The following SLC13A3 variants were observed in gnomAD, a reference collection of about 807,000 sequenced individuals.
SLC13A3 encodes the protein Na(+)/dicarboxylate cotransporter 3.
SLC13A3 carries 40 observed loss-of-function variants against 59.0 expected under a neutral mutation model. That is an observed-to-expected ratio of 0.68 (90% CI 0.53 to 0.88). The LOEUF is 0.88. Among genes scored for constraint, SLC13A3 ranks in the 40% least tolerant of loss-of-function variants. The probability of loss-of-function intolerance (pLI) is 0.00; values close to 1 mark genes in which losing one functional copy is unlikely to be tolerated. For missense variants in SLC13A3, 699 were observed against 783.2 expected (o/e 0.89, Z 1.28); for synonymous variants, 317 against 330.3 (o/e 0.96, Z 0.44).
chr20:46,595,683 C>T lies in SLC13A3; in HGVS notation c.794+474G>A, dbSNP rs538524950. ...CCCTTCGCCCCAGGCTCTTCGTCTC[C>T]CTGGTTTTCTTGCTGGTCCCTGAAC... On this transcript the variant is annotated intron_variant, in intron 5 of 12. Transcript: ENST00000279027. Among the ~76,000 whole-genome samples the T allele has an allele frequency of 2.6e-5, 4 of 152,268 alleles. No individual in the cohort carries two copies. In the East Asian group the frequency reaches 7.7e-4, roughly 29 times the overall value.
At chr20:46,573,986 C>T (rs768524697) in intron 10 of SLC13A3, among the ~76,000 whole-genome samples, 8 of 152,208 alleles carry the variant, frequency 5.3e-5, no homozygotes, top group East Asian at 3.8e-4. Context: ...GTTTACAAGG[C>T]GTTCAGGGGT....
At chr20:46,627,258 T>C (rs546697841) in intron 1 of SLC13A3, among the ~76,000 whole-genome samples, 13 of 152,344 alleles carry the variant, frequency 8.5e-5, no homozygotes, top group Middle Eastern at 3.4e-3. Flanking sequence ...TAATATGGGC[T>C]GGTGTAAGAA....
At chr20:46,639,441 AGAGT>A (rs1206418192) in intron 1 of SLC13A3, among the ~76,000 whole-genome samples, 1 of 152,208 alleles carries the variant, frequency 6.6e-6, no homozygotes, top group Non-Finnish European at 1.5e-5. Context: ...CCTGGGCAAC[AGAGT>A]GAGACTCTGT....
At chr20:46,603,203 C>T (rs908893546) in intron 3 of SLC13A3, among the ~76,000 whole-genome samples, 1 of 151,706 alleles carries the variant, frequency 6.6e-6, no homozygotes, top group Non-Finnish European at 1.5e-5. Flanking sequence ...AAAGAGTTAA[C>T]TTATTAAAAG....
At chr20:46,624,196 G>C (rs992481539) in intron 1 of SLC13A3, among the ~76,000 whole-genome samples, 8 of 152,018 alleles carry the variant, frequency 5.3e-5, no homozygotes, top group Non-Finnish European at 1.2e-4. Flanking sequence ...TCTAGTTCTG[G>C]CTCCTTTCTC....
At chr20:46,601,983 A>C (rs540516104) in intron 3 of SLC13A3, among the ~76,000 whole-genome samples, 1 of 152,274 alleles carries the variant, frequency 6.6e-6, no homozygotes, top group South Asian at 2.1e-4. Context: ...GTCAGGTAGG[A>C]ACTAGAGTAG....
chr20:46,670,978 G>A (rs190801806), upstream of SLC13A3, among the ~76,000 whole-genome samples: 4 of 152,192 alleles, frequency 2.6e-5, no homozygotes. Context: ...TTTCAGTTAT[G>A]TGTGACTAAA....
chr20:46,631,683 C>T (rs1270730473), intron 1 of SLC13A3, among the ~76,000 whole-genome samples: 1 of 152,066 alleles, frequency 6.6e-6, no homozygotes, highest in East Asian at 1.9e-4. Flanking sequence ...TATAGGAAGC[C>T]TTATAATCCC....
intron 1 of SLC13A3, among the ~76,000 whole-genome samples, chr20:46,626,217 TC>T (rs1231647929): frequency 6.7e-5 from 10 of 148,452 alleles, no homozygotes; most frequent in African/African-American, 2.5e-4. Flanking sequence ...GTCTGTCCTC[TC>T]TCTCCCTCCC....
At chr20:46,638,626 G>A (rs2062817652) in intron 1 of SLC13A3, among the ~76,000 whole-genome samples, 1 of 152,214 alleles carries the variant, frequency 6.6e-6, no homozygotes, top group South Asian at 2.1e-4. Flanking sequence ...CTTCCTGCCA[G>A]GCCCTCTGCC....
rs139370049 is a variant in SLC13A3, at chr20:46,632,242, G to GC, written c.112-18518dup. ...AACTTTGCACTCCAGCAAGGCAGAA[G>GC]CAAGCCTTAAACCTCATGGTATCCC... On this transcript the variant is annotated intron_variant, in intron 1 of 12. Transcript: ENST00000279027. 7.7e-3 allele frequency among the ~76,000 whole-genome samples: 1,174 copies of GC among 152,350 alleles called. 18 individuals carry two copies. Among genetic ancestry groups the GC allele is most frequent in the African/African-American group, 0.027 (1,119 of 41,574 alleles).
In SLC13A3 at chr20:46,614,202, C is replaced by T. The variant is rs149568907; in HGVS notation, c.112-477G>A. The stretch of plus-strand genomic sequence containing the variant: ...TCTGATGGGGACAGGGCAGACCATG[C>T]TTCAGTGTATGTCCCATGAGAAGGT... On this transcript the variant is annotated intron_variant, in intron 1 of 12. Coordinates refer to ENST00000279027, the MANE Select transcript of SLC13A3 (RefSeq NM_022829.6). Among the ~76,000 whole-genome samples the T allele has an allele frequency of 2.9e-3, 434 of 152,124 alleles. 2 individuals are homozygous for T. Among genetic ancestry groups the T allele is most frequent in the African/African-American group, 1.0e-2 (415 of 41,514 alleles).
intron 10 of SLC13A3, among the ~76,000 whole-genome samples, chr20:46,571,177 A>T (rs1011118551): frequency 6.6e-6 from 1 of 152,202 alleles, no homozygotes; most frequent in Non-Finnish European, 1.5e-5. Context: ...CCACGATTAA[A>T]TTACTTCCCA....
rs2146063695 is a variant in SLC13A3, at chr20:46,558,326, A to G, written c.*1696T>C. The G allele has an allele frequency of 6.6e-6, 1 of 152,416 alleles. No homozygotes were observed. The highest frequency in any genetic ancestry group is 3.4e-3 in the Middle Eastern group (1 of 298). The allele number at this position is 152,416 out of a possible 1,614,324, so 9.4% of individuals were successfully genotyped here. ...GCTGGAGAGGGGAGGGAAGAGCAGT[A>G]GAAAATCAGAGAGGTCAACTCTGTG... On this transcript the variant is annotated 3_prime_UTR_variant, in exon 13 of 13. Transcript: ENST00000279027.
intron 8 of SLC13A3, among the ~76,000 whole-genome samples, chr20:46,586,717 A>G (rs893079275): frequency 3.9e-5 from 6 of 152,170 alleles, no homozygotes; most frequent in Non-Finnish European, 8.8e-5. Flanking sequence ...ACCCAGCACA[A>G]GTCCCACATT....
intron 9 of SLC13A3, chr20:46,582,600 T>TAA: frequency 2.0e-5 from 16 of 800,120 alleles, no homozygotes; most frequent in Non-Finnish European, 2.3e-5. Context: ...GAGACCCCAT[T>TAA]AAAAAAAAAA....
chr20:46,656,540 TAC>T (rs370569125), intron 1 of SLC13A3, among the ~76,000 whole-genome samples: 2 of 144,728 alleles, frequency 1.4e-5, no homozygotes, highest in African/African-American at 2.5e-5. Flanking sequence ...TACTATACAG[TAC>T]ATATATTATA....
At chr20:46,617,408 G>A (rs1030122045) in intron 1 of SLC13A3, among the ~76,000 whole-genome samples, 1 of 152,158 alleles carries the variant, frequency 6.6e-6, no homozygotes, top group Non-Finnish European at 1.5e-5. Context: ...ATGATTGCTT[G>A]AGGCCAGGAG....
At chr20:46,661,210 G>C (rs2063027581) in intron 1 of SLC13A3, among the ~76,000 whole-genome samples, 1 of 152,150 alleles carries the variant, frequency 6.6e-6, no homozygotes, top group African/African-American at 2.4e-5. Flanking sequence ...TTGTAAGAAA[G>C]AACAGTAGAG....
Sources: allele counts gnomAD v4.1 joint callset (sites outside exome capture counted in the v4.1 genomes callset), GRCh38; gene constraint gnomAD v4.1.1; transcripts MANE v1.5; gene names NCBI Gene and HGNC (gene_info 2026-07-23, HGNC 2026-07-21).